EDA: variants seen among roughly 807,000 people sequenced by gnomAD.
EDA encodes the protein ectodysplasin-A.
A neutral mutation model predicts 23.6 loss-of-function variants in EDA; 2 were observed. The ratio of observed to expected loss-of-function variants is 0.08; its 90% CI spans 0.03 to 0.27. The LOEUF (loss-of-function observed/expected upper bound fraction) is 0.27, where lower values mean the gene tolerates loss of function less well. EDA is among the 10% of genes least tolerant of loss of function. EDA has a pLI of 1.00. For missense variants in EDA, 229 were observed against 324.2 expected, an observed-to-expected ratio of 0.71 and a Z score of 2.26; for synonymous variants, 131 against 132.0, an observed-to-expected ratio of 0.99 and a Z score of 0.05.
chrX:69,783,447 C>T (rs1359202237), intron 1 of EDA, among the ~76,000 whole-genome samples: 1 of 100,093 alleles, frequency 1.0e-5, no homozygotes, highest in African/African-American at 3.7e-5. Context: ...CTCCCCCAAC[C>T]CCACAACAGT....
At chrX:69,875,186 A>G (rs1400929917) in intron 1 of EDA, among the ~76,000 whole-genome samples, 3 of 112,054 alleles carry the variant, frequency 2.7e-5, no homozygotes, top group Non-Finnish European at 5.6e-5. Context: ...AAGATGAAGC[A>G]AAAAGAACAA....
Position 69,888,981 on chromosome X carries a change from T to G in EDA, c.397-68046T>G, listed in dbSNP as rs1255198412. Among the ~76,000 whole-genome samples the G allele has an allele frequency of 8.7e-3, 263 of 30,282 alleles. 5 individuals are homozygous for G. Among genetic ancestry groups the G allele is most frequent in the East Asian group, 0.027 (14 of 519 alleles). 26.3% of individuals were successfully genotyped at this position (30,282 alleles called of 115,157 possible). A position where few individuals can be genotyped will look rare whatever the true frequency, so the allele number is the denominator to read the frequency against. ...GAATTGTTGTATTGTGGGGTAGTTA[T>G]ATATATATATATATATATATATATA... On this transcript the variant is annotated intron_variant, in intron 1 of 7. Coordinates refer to ENST00000374552, the MANE Select transcript of EDA (RefSeq NM_001399.5).
chrX:69,664,760 G>A (rs1314591009), intron 1 of EDA, among the ~76,000 whole-genome samples: 1 of 111,660 alleles, frequency 9.0e-6, no homozygotes, highest in Non-Finnish European at 1.9e-5. Context: ...CTTGGCTATT[G>A]TGAACAATGC....
chrX:69,659,704 G>T (rs1217443978), intron 1 of EDA, among the ~76,000 whole-genome samples: 1 of 111,779 alleles, frequency 8.9e-6, no homozygotes, highest in African/African-American at 3.3e-5. Context: ...GGATCTATTT[G>T]TAGTAATAAA....
At chrX:69,819,981 C>T (rs1016535122) in intron 1 of EDA, among the ~76,000 whole-genome samples, 5 of 109,848 alleles carry the variant, frequency 4.6e-5, no homozygotes, top group South Asian at 3.9e-4. Context: ...TCAGGCTACC[C>T]GACTTCAAAC....
intron 2 of EDA, among the ~76,000 whole-genome samples, chrX:70,002,373 T>C (rs932477920): frequency 1.1e-4 from 12 of 110,351 alleles, no homozygotes; most frequent in African/African-American, 3.3e-4. Context: ...GAAGGAACTG[T>C]GCATATATCT....
At chrX:69,781,335 TCTGCAC>T (rs1386439351) in intron 1 of EDA, among the ~76,000 whole-genome samples, 1 of 111,780 alleles carries the variant, frequency 8.9e-6, no homozygotes, top group African/African-American at 3.2e-5. Context: ...ATTCAAGGTG[TCTGCAC>T]CTTGTTCATT....
chrX:69,856,640 T>C (rs767390977), intron 1 of EDA, among the ~76,000 whole-genome samples: 1 of 111,834 alleles, frequency 8.9e-6, no homozygotes, highest in Non-Finnish European at 1.9e-5. Flanking sequence ...TTTCATATGT[T>C]TGTTGGCTGT....
intron 1 of EDA, among the ~76,000 whole-genome samples, chrX:69,751,509 C>T (rs1476271134): frequency 9.0e-6 from 1 of 111,646 alleles, no homozygotes; most frequent in Non-Finnish European, 1.9e-5. Flanking sequence ...GCAATGTGGG[C>T]TCCTTTTTTG....
intron 1 of EDA, among the ~76,000 whole-genome samples, chrX:69,803,117 A>G (rs749539022): frequency 9.0e-6 from 1 of 111,343 alleles, no homozygotes; most frequent in South Asian, 3.8e-4. Flanking sequence ...TACAGCTGAT[A>G]CAGATACTAA....
rs1933858462 is a variant in EDA, at chrX:69,670,641, AC to A, written c.396+53939del. 2.8e-5 allele frequency among the ~76,000 whole-genome samples: 3 copies of A among 107,931 alleles called. No homozygotes were observed. In the South Asian group the frequency reaches 1.2e-3, roughly 43 times the overall value. The allele number at this position is 107,931 out of a possible 115,157, so 93.7% of individuals were successfully genotyped here. ...ACTGAGTCATTTCAAAAAAAAAACCACCATCTTCAGGTTGACAGATTCTTTC... is the reference window on the plus strand; with the variant it reads ...ACTGAGTCATTTCAAAAAAAAAACCACATCTTCAGGTTGACAGATTCTTTC... On this transcript the variant is annotated intron_variant, in intron 1 of 7. Transcript: ENST00000374552.
At chrX:69,829,331 G>T (rs2016548153) in intron 1 of EDA, among the ~76,000 whole-genome samples, 1 of 111,770 alleles carries the variant, frequency 8.9e-6, no homozygotes, top group African/African-American at 3.2e-5. Context: ...GAGACATTTT[G>T]CACTTCCCCA....
chrX:69,820,131 C>T (rs1368814540), intron 1 of EDA, among the ~76,000 whole-genome samples: 3 of 111,402 alleles, frequency 2.7e-5, no homozygotes, highest in Admixed American at 9.6e-5. Flanking sequence ...TTGACAAAAA[C>T]TAGCAATGGG....
intron 1 of EDA, among the ~76,000 whole-genome samples, chrX:69,732,848 CA>C (rs1299086954): frequency 8.9e-6 from 1 of 112,197 alleles, no homozygotes; most frequent in Non-Finnish European, 1.9e-5. Flanking sequence ...CTCTAATGGC[CA>C]GTGATAATGA....
At position 69,789,354 on chromosome X, in the gene EDA, C is replaced by T. The variant is rs747758288; in HGVS notation, c.397-167673C>T. Among the ~76,000 whole-genome samples, 5 of 112,506 alleles carry T rather than the reference C, an allele frequency of 4.4e-5. No homozygotes were observed. In the South Asian group the frequency reaches 1.1e-3, roughly 25 times the overall value. On this transcript the variant is annotated intron_variant, in intron 1 of 7. Transcript: ENST00000374552. ...TTTTGTGAGCAAGGGTAAGGGAATA[C>T]AATCTGGTTTTGTTTCTTAGCAGAA...
chrX:69,885,427 A>G (rs1206350422), intron 1 of EDA, among the ~76,000 whole-genome samples: 1 of 112,115 alleles, frequency 8.9e-6, no homozygotes, highest in Admixed American at 9.5e-5. Flanking sequence ...AGTACCTCAT[A>G]TAAATGGAAT....
chrX:69,772,521 A>C (rs775917788), intron 1 of EDA, among the ~76,000 whole-genome samples: 12 of 111,533 alleles, frequency 1.1e-4, no homozygotes, highest in Non-Finnish European at 2.3e-4. Context: ...TCAGGGGTAC[A>C]TGTGCAGGTT....
chrX:69,684,602 GATTTTCCTTCATTCAAT>G (rs2147289468), intron 1 of EDA, among the ~76,000 whole-genome samples: 1 of 111,922 alleles, frequency 8.9e-6, no homozygotes, highest in South Asian at 3.7e-4. Flanking sequence ...TTACAATCAA[GATTTTCCTTCATTCAAT>G]ATATACCTTT....
intron 1 of EDA, among the ~76,000 whole-genome samples, chrX:69,649,916 A>G (rs1263526947): frequency 8.9e-6 from 1 of 112,104 alleles, no homozygotes; most frequent in Non-Finnish European, 1.9e-5. Flanking sequence ...GTAAGGAAAG[A>G]GGTAGTACTT....
Sources: allele counts gnomAD v4.1 joint callset (sites outside exome capture counted in the v4.1 genomes callset), GRCh38; gene constraint gnomAD v4.1.1; transcripts MANE v1.5; gene names NCBI Gene and HGNC (gene_info 2026-07-23, HGNC 2026-07-21).